Variants in OSTC observed in about 807,000 individuals in gnomAD.
OSTC encodes the protein oligosaccharyltransferase complex subunit OSTC.
In OSTC, 16 loss-of-function variants were observed where a neutral mutation model predicts 16.4. The observed-to-expected ratio is 0.98, with a 90% confidence interval of 0.66 to 1.49. OSTC has a LOEUF of 1.49. OSTC is among the 40% of genes most tolerant of loss of function. The probability of loss-of-function intolerance (pLI) is 0.00; values close to 1 mark genes in which losing one functional copy is unlikely to be tolerated. For missense variants in OSTC, 139 were observed against 186.3 expected (o/e 0.75, Z 1.48); for synonymous variants, 67 against 68.5 (o/e 0.98, Z 0.11).
Position 108,650,627 on chromosome 4 carries a change from G to A in OSTC, c.-29G>A. 1.2e-6 allele frequency: 2 copies of A among 1,611,588 alleles called. No individual in the cohort carries two copies. The highest frequency in any genetic ancestry group is 1.1e-5 in the South Asian group (1 of 90,992). ...TTTCCGGGAGGCGCGTGGGGCTTGA[G>A]GCCGAGAACGGCCCTTGCTGCCACC... On this transcript the variant is annotated 5_prime_UTR_variant, in exon 1 of 4. Transcript: ENST00000361564.
intron 3 of OSTC, among the ~76,000 whole-genome samples, chr4:108,660,336 A>G (rs530948279): frequency 2.6e-5 from 4 of 152,282 alleles, no homozygotes; most frequent in African/African-American, 9.6e-5. Flanking sequence ...ATCATTTCTC[A>G]TCTGCAGCTC....
intron 2 of OSTC, among the ~76,000 whole-genome samples, chr4:108,657,103 C>T (rs1293899672): frequency 6.6e-6 from 1 of 151,302 alleles, no homozygotes. Context: ...CTGGGTAAAG[C>T]GTTCGTATAC....
At chr4:108,656,549 A>C (rs2575614) in intron 2 of OSTC, among the ~76,000 whole-genome samples, 123,312 of 151,638 alleles carry the variant, frequency 0.81, 50,481 homozygotes, top group East Asian at 1. Context: ...TTGAACTATG[A>C]GAATTTGATA....
chr4:108,659,718 A>G (rs1038074597), intron 3 of OSTC, among the ~76,000 whole-genome samples: 1 of 152,096 alleles, frequency 6.6e-6, no homozygotes, highest in African/African-American at 2.4e-5. Flanking sequence ...GCAGTGAGCC[A>G]AGATCGTGCC....
chr4:108,654,770 ATG>A (rs1726657197), intron 1 of OSTC, among the ~76,000 whole-genome samples: 1 of 152,224 alleles, frequency 6.6e-6, no homozygotes, highest in Admixed American at 6.5e-5. Flanking sequence ...CGATGACATT[ATG>A]ACATAATGGT....
chr4:108,655,174 A>G (rs1726669440), intron 1 of OSTC, among the ~76,000 whole-genome samples: 1 of 152,218 alleles, frequency 6.6e-6, no homozygotes, highest in South Asian at 2.1e-4. Context: ...TTTAAAAGTA[A>G]ATGAAACTTG....
At chr4:108,662,624 C>T (rs1033476307) in intron 3 of OSTC, among the ~76,000 whole-genome samples, 1 of 152,118 alleles carries the variant, frequency 6.6e-6, no homozygotes, top group Non-Finnish European at 1.5e-5. Context: ...GCTGGTTATT[C>T]TATGACTTGA....
chr4:108,658,153 A>G (rs1041117403), intron 3 of OSTC, among the ~76,000 whole-genome samples: 5 of 151,762 alleles, frequency 3.3e-5, no homozygotes, highest in Non-Finnish European at 7.4e-5. Flanking sequence ...GCTGATCTTG[A>G]ACTCCTGACC....
intron 3 of OSTC, among the ~76,000 whole-genome samples, chr4:108,665,335 A>T (rs1031060068): frequency 2.0e-5 from 3 of 152,126 alleles, no homozygotes; most frequent in Non-Finnish European, 4.4e-5. Flanking sequence ...ACTCCATTTT[A>T]CAGATGAGGA....
chr4:108,657,913 GTTTCTTTTTT>G (rs1726752461), intron 3 of OSTC, among the ~76,000 whole-genome samples: 1 of 79,024 alleles, frequency 1.3e-5, no homozygotes, highest in African/African-American at 5.0e-5. Context: ...GATAGTCATT[GTTTCTTTTTT>G]TTTTTTTTTT....
intron 1 of OSTC, 65 bp downstream of exon 1, chr4:108,650,859 T>C: frequency 1.2e-6 from 2 of 1,608,154 alleles, no homozygotes; most frequent in Middle Eastern, 1.7e-4. Flanking sequence ...GGGAGGCGCG[T>C]CTGTTCCGCT....
At chr4:108,654,760 CGAT>C (rs1417563383) in intron 1 of OSTC, among the ~76,000 whole-genome samples, 2 of 152,122 alleles carry the variant, frequency 1.3e-5, no homozygotes, top group African/African-American at 4.8e-5. Flanking sequence ...TTAATGATCA[CGAT>C]GACATTATGA....
chr4:108,650,686 G>A lies in OSTC; in HGVS notation c.31G>A (p.Val11Met), dbSNP rs1726504799. 3.7e-6 allele frequency: 6 copies of A among 1,614,118 alleles called. No homozygotes were observed. Among genetic ancestry groups the A allele is most frequent in the African/African-American group, 1.3e-5 (1 of 74,950 alleles). The change falls in exon 1 of 4, where the codon GTG becomes ATG. Residue 11 changes from valine (V) to methionine (M), a missense_variant. Physicochemically the swap from Val to Met is conservative, Grantham distance 21 (BLOSUM62 1). Coordinates refer to ENST00000361564, the MANE Select transcript of OSTC (RefSeq NM_021227.4). METLYRVPFL[V>M]LECPNLKLKK... ...GACTTTGTACCGTGTCCCGTTCTTA[G>A]TGCTCGAATGTCCCAACCTGAAGCT...
At chr4:108,666,908 G>A (rs7672303) in intron 3 of OSTC, among the ~76,000 whole-genome samples, 2,639 of 151,656 alleles carry the variant, frequency 0.017, 72 homozygotes, top group African/African-American at 0.061. Context: ...GGGAGGCTGA[G>A]GCAGGAGAAC....
chr4:108,666,261 C>T (rs1323383940), intron 3 of OSTC, among the ~76,000 whole-genome samples: 1 of 152,156 alleles, frequency 6.6e-6, no homozygotes, highest in Non-Finnish European at 1.5e-5. Context: ...GAAATCCAAA[C>T]CAGTTTCTTT....
At chr4:108,662,087 C>G (rs1290447018) in intron 3 of OSTC, among the ~76,000 whole-genome samples, 1 of 152,092 alleles carries the variant, frequency 6.6e-6, no homozygotes, top group African/African-American at 2.4e-5. Flanking sequence ...AAAGGTCTGC[C>G]TTATTTCAGC....
intron 3 of OSTC, 40 bp downstream of exon 3, chr4:108,657,687 G>A: frequency 6.6e-7 from 1 of 1,504,924 alleles, no homozygotes; most frequent in South Asian, 1.2e-5. Flanking sequence ...GTTGCAAATT[G>A]GTAAAATGAT....
intron 1 of OSTC, 159 bp downstream of exon 1, chr4:108,650,953 GTCCAAGTTTATTCGCCT>G (rs2110379223): frequency 9.6e-7 from 1 of 1,044,014 alleles, no homozygotes; most frequent in East Asian, 2.6e-5. Context: ...AAGTGTTAAC[GTCCAAGTTTATTCGCCT>G]TCACGCCCTG....
chr4:108,661,273 G>A (rs1726850968), intron 3 of OSTC, among the ~76,000 whole-genome samples: 2 of 149,610 alleles, frequency 1.3e-5, no homozygotes, highest in African/African-American at 2.5e-5. Context: ...TGCACACATA[G>A]CAGTACATTT....
Sources: allele counts gnomAD v4.1 joint callset (sites outside exome capture counted in the v4.1 genomes callset), GRCh38; gene constraint gnomAD v4.1.1; transcripts MANE v1.5; gene names NCBI Gene and HGNC (gene_info 2026-07-23, HGNC 2026-07-21).